Variants in OXR1 observed in about 807,000 individuals in gnomAD.
OXR1 encodes the protein oxidation resistance protein 1.
Under a neutral mutation model 104.6 loss-of-function variants are expected in OXR1, and 41 were observed. The observed-to-expected ratio is 0.39, with a 90% CI of 0.31 to 0.51. The LOEUF (loss-of-function observed/expected upper bound fraction) is 0.51, where lower values mean the gene tolerates loss of function less well. Among genes scored for constraint, OXR1 ranks in the 20% least tolerant of loss-of-function variants. The pLI, the probability that OXR1 is intolerant of heterozygous loss-of-function variation, is 0.77. For synonymous variants in OXR1, 348 were observed against 348.4 expected (o/e 1.00, Z 0.01); for missense variants, 955 against 1,031.9 (o/e 0.93, Z 1.02).
chr8:106,581,120 C>T (rs143309115), intron 3 of OXR1: 5 of 1,259,046 alleles, frequency 4.0e-6, no homozygotes, highest in Non-Finnish European at 5.1e-6. Context: ...ACAGTCTAGA[C>T]TTAAAGATTT....
At chr8:106,273,022 G>C (rs1391099386) in intron 1 of OXR1, 1 of 151,710 alleles carries the variant, frequency 6.6e-6, no homozygotes, top group African/African-American at 2.4e-5. Context: ...GCAGGAAAAG[G>C]CTTCATTATA....
At chr8:106,616,966 G>T (rs1821292123) in intron 3 of OXR1, among the ~76,000 whole-genome samples, 1 of 152,154 alleles carries the variant, frequency 6.6e-6, no homozygotes, top group Admixed American at 6.5e-5. Flanking sequence ...ATATCTCAGT[G>T]AGTTGCTGTT....
chr8:106,451,254 T>G (rs1205254392), intron 2 of OXR1, among the ~76,000 whole-genome samples: 3 of 152,158 alleles, frequency 2.0e-5, no homozygotes, highest in Non-Finnish European at 1.5e-5. Context: ...AAGGACCACA[T>G]CTGAGTGTGT....
At chr8:106,505,857 T>G (rs11775294) in intron 2 of OXR1, among the ~76,000 whole-genome samples, 2,536 of 152,324 alleles carry the variant, frequency 0.017, 38 homozygotes, top group Non-Finnish European at 0.025. Flanking sequence ...GGAAAGCCAT[T>G]CAGTTCTTTA....
rs1283781423 is a variant in OXR1 at position 106,710,781 on chromosome 8, C to G, written c.1784C>G (p.Pro595Arg). 6.7e-7 allele frequency: 1 copy of G among 1,502,038 alleles called. No homozygotes were observed. 93.0% of individuals were successfully genotyped at this position (1,502,038 alleles called of 1,614,324 possible). A position where few individuals can be genotyped will look rare whatever the true frequency, so the allele number is the denominator to read the frequency against. The change falls in exon 10 of 17, where the codon CCA (proline) becomes CGA (arginine). Residue 595 changes from proline to arginine, a missense_variant. By Grantham distance (103) the Pro-to-Arg change is moderately radical. This residue lies in a region of OXR1 where 849 missense variants were observed against 852.9 expected (regional missense o/e 1.00). Coordinates refer to ENST00000517566, the MANE Select transcript of OXR1 (RefSeq NM_001198533.2). ...AAACATGAATATTGGTTTGCTGTGC[C>G]ACAAGAAAGGTAAAAAACCCATACG... Reference protein sequence around the residue: ...DKKHEYWFAVPQERTDHLYAF... With the variant: ...DKKHEYWFAVRQERTDHLYAF...
rs182514242 is a variant in OXR1, at chr8:106,751,988, G to T, written c.*1047G>T. The T allele has an allele frequency of 6.6e-6, 1 of 152,344 alleles. No individual in the cohort carries two copies. Among genetic ancestry groups the T allele is most frequent in the East Asian group, 1.9e-4 (1 of 5,174 alleles). 9.4% of individuals were successfully genotyped at this position (152,344 alleles called of 1,614,324 possible). ...GTAACTCAGTAGACTTGTTGAATAT[G>T]CAAACTTACTGTCAAGTGACCTCAA... is the stretch of plus-strand genomic sequence containing the variant. On this transcript the variant is annotated 3_prime_UTR_variant, in exon 17 of 17. Coordinates refer to ENST00000517566, the MANE Select transcript of OXR1 (RefSeq NM_001198533.2).
intron 2 of OXR1, among the ~76,000 whole-genome samples, chr8:106,365,703 G>T (rs1030583302): frequency 1.3e-5 from 2 of 151,890 alleles, no homozygotes; most frequent in Non-Finnish European, 2.9e-5. Context: ...CCATTTTTTG[G>T]CTTTGAGCTA....
chr8:106,564,837 C>G (rs376980710), intron 3 of OXR1, among the ~76,000 whole-genome samples: 34 of 152,298 alleles, frequency 2.2e-4, no homozygotes, highest in South Asian at 8.3e-4. Context: ...ATAAGCAAAT[C>G]AATAAATGTA....
chr8:106,577,221 T>G (rs1255121719), intron 3 of OXR1, among the ~76,000 whole-genome samples: 1 of 151,482 alleles, frequency 6.6e-6, no homozygotes, highest in Non-Finnish European at 1.5e-5. Context: ...GTTTTTTGTT[T>G]TTTTTTTGAG....
chr8:106,597,147 G>A (rs1399630218), intron 3 of OXR1, among the ~76,000 whole-genome samples: 11 of 152,124 alleles, frequency 7.2e-5, no homozygotes, highest in Non-Finnish European at 1.5e-4. Context: ...TGGTCTGAAT[G>A]TTTATGTCTC....
rs7845643 is a variant in OXR1, at chr8:106,350,630, G to A, written c.-138-8846G>A. Among the ~76,000 whole-genome samples, 721 of 152,300 alleles carry A rather than the reference G, an allele frequency of 4.7e-3. 10 individuals are homozygous for A. Among genetic ancestry groups the A allele is most frequent in the African/African-American group, 0.017 (701 of 41,570 alleles). On this transcript the variant is annotated intron_variant, in intron 1 of 16. Coordinates refer to ENST00000517566, the MANE Select transcript of OXR1 (RefSeq NM_001198533.2). ...TGTCTCCAAGGTTACCATCTGTGCT[G>A]ATCTGAAGTTTTAATGTGTGGGATT...
intron 3 of OXR1, among the ~76,000 whole-genome samples, chr8:106,524,817 G>A (rs1813534027): frequency 6.6e-6 from 1 of 152,160 alleles, no homozygotes. Context: ...GGAGCCAAGG[G>A]ATATTCAGAG....
chr8:106,617,554 G>A (rs561962199), intron 3 of OXR1, among the ~76,000 whole-genome samples: 2 of 152,244 alleles, frequency 1.3e-5, no homozygotes, highest in South Asian at 4.1e-4. Context: ...AGGGAAAAAA[G>A]ACTAAAATAA....
intron 11 of OXR1, among the ~76,000 whole-genome samples, chr8:106,714,778 G>A (rs1171200513): frequency 6.6e-6 from 1 of 152,028 alleles, no homozygotes; most frequent in African/African-American, 2.4e-5. Flanking sequence ...TTATTCATTG[G>A]GTGTTAATGT....
chr8:106,658,125 G>A (rs943102719), intron 3 of OXR1: 1 of 1,246,876 alleles, frequency 8.0e-7, no homozygotes, highest in Middle Eastern at 2.1e-4. Flanking sequence ...AGCCCAGGGG[G>A]ACCTCGGGTG....
intron 3 of OXR1, among the ~76,000 whole-genome samples, chr8:106,569,973 TACA>T (rs1387510568): frequency 2.0e-5 from 3 of 152,178 alleles, no homozygotes; most frequent in Non-Finnish European, 2.9e-5. Flanking sequence ...AACCAGAACA[TACA>T]GCATCTGAAT....
chr8:106,321,822 G>A (rs1814231600), intron 1 of OXR1, among the ~76,000 whole-genome samples: 1 of 152,190 alleles, frequency 6.6e-6, no homozygotes, highest in African/African-American at 2.4e-5. Flanking sequence ...ATAAGTATCT[G>A]TGATGTTTGA....
intron 1 of OXR1, among the ~76,000 whole-genome samples, chr8:106,315,732 A>C (rs916926479): frequency 6.6e-6 from 1 of 152,198 alleles, no homozygotes; most frequent in Non-Finnish European, 1.5e-5. Context: ...AAGGAAACTG[A>C]AGTTCCAAAC....
intron 2 of OXR1, among the ~76,000 whole-genome samples, chr8:106,479,894 C>T (rs879273172): frequency 2.6e-5 from 4 of 151,898 alleles, no homozygotes; most frequent in Non-Finnish European, 4.4e-5. Context: ...AAGGAACAAA[C>T]GTGAAAGACT....
Sources: gnomAD v4.1 joint callset for allele counts (sites outside exome capture counted in the v4.1 genomes callset) on GRCh38, gnomAD v4.1.1 for gene constraint, gnomAD v4.1.1 regional missense constraint, MANE v1.5 for transcripts, NCBI Gene and HGNC (gene_info 2026-07-23, HGNC 2026-07-21) for gene names.